Variants in ALDH6A1 observed in about 807,000 individuals in gnomAD.
The protein encoded by ALDH6A1 is aldehyde dehydrogenase 6 family member A1.
Under a neutral mutation model 62.6 loss-of-function variants are expected in ALDH6A1, and 43 were observed. That is an observed-to-expected ratio of 0.69 (90% confidence interval 0.54 to 0.89). The LOEUF (loss-of-function observed/expected upper bound fraction) is 0.89, where lower values mean the gene tolerates loss of function less well. ALDH6A1 is among the 40% of genes least tolerant of loss of function. ALDH6A1 has a pLI of 0.00. For missense variants in ALDH6A1, 551 were observed against 661.3 expected, an observed-to-expected ratio of 0.83 and a Z score of 1.83; for synonymous variants, 194 against 234.2, an observed-to-expected ratio of 0.83 and a Z score of 1.57.
chr14:74,062,105 A>C (rs1311985602), intron 11 of ALDH6A1, among the ~76,000 whole-genome samples: 1 of 148,218 alleles, frequency 6.7e-6, no homozygotes, highest in Admixed American at 6.7e-5. Context: ...AGCCTGAGGC[A>C]GAATTGCTTG....
In ALDH6A1 at chr14:74,068,873, A is replaced by G. The variant is rs1368984007; in HGVS notation, c.839T>C (p.Val280Ala). 6.2e-7 allele frequency: 1 copy of G among 1,613,786 alleles called. No individual in the cohort carries two copies. Among genetic ancestry groups the G allele is most frequent in the Non-Finnish European group, 8.5e-7 (1 of 1,179,890 alleles). ...ATAAGAAGTCACCATATTGGCTTGA[A>G]CCCTCTTGCCATGTCTTGATCCTCT... ...FERGSRHGKRVQANMGAKNHG... is the reference protein window; with the variant it reads ...FERGSRHGKRAQANMGAKNHG... Residue 280 changes from valine (V) to alanine (A), a missense_variant, in exon 7 of 12, where the codon GTT (valine) becomes GCT (alanine). Transcript: ENST00000553458.
intron 11 of ALDH6A1, among the ~76,000 whole-genome samples, chr14:74,064,308 A>AAT (rs1228566976): frequency 4.1e-5 from 6 of 147,808 alleles, no homozygotes; most frequent in African/African-American, 1.5e-4. Context: ...AAAAAAAAAA[A>AAT]AAATAATAAT....
Position 74,072,255 on chromosome 14 carries a change from A to G in ALDH6A1, c.296T>C (p.Leu99Ser), listed in dbSNP as rs749270082. The change falls in exon 4 of 12, where the codon TTA becomes TCA. Residue 99 changes from leucine to serine, a missense_variant. Transcript: ENST00000553458. ...AFPAWADTSV[L>S]SRQQVLLRYQ... ...GCGGAGCAAGACCTGCTGGCGGCTT[A>G]ATACTGAAGTGTCTGCCCATGCAGG... The G allele has an allele frequency of 6.2e-7, 1 of 1,614,254 alleles. No individual in the cohort carries two copies. Among genetic ancestry groups the G allele is most frequent in the South Asian group, 1.1e-5 (1 of 91,086 alleles).
intron 11 of ALDH6A1, among the ~76,000 whole-genome samples, chr14:74,063,807 A>C (rs1175007710): frequency 6.7e-6 from 1 of 150,340 alleles, no homozygotes; most frequent in African/African-American, 2.4e-5. Flanking sequence ...CGGAGGTTGC[A>C]GTGAGCCAAG....
At position 74,072,610 on chromosome 14, in the gene ALDH6A1, G is replaced by A; in HGVS notation, c.113C>T (p.Pro38Leu). Residue 38 changes from proline (P) to leucine (L), a missense_variant and splice_region_variant, in exon 3 of 12, where the codon CCA becomes CTA. Pro to Leu is a moderately conservative substitution (Grantham distance 98). Transcript: ENST00000553458. Reference protein sequence around the residue: ...YSASSFSSSVPTVKLFIGGKF... With the variant: ...YSASSFSSSVLTVKLFIGGKF... The stretch of plus-strand genomic sequence containing the variant: ...CCCACCAATGAAGAGCTTTACAGTT[G>A]GCTGAAAAAAACAAACAAACAAACA... The A allele has an allele frequency of 1.2e-6, 2 of 1,612,732 alleles. No individual in the cohort carries two copies. Among genetic ancestry groups the A allele is most frequent in the Non-Finnish European group, 1.7e-6 (2 of 1,179,946 alleles).
At chr14:74,082,355 T>C (rs2060676959) in intron 1 of ALDH6A1, among the ~76,000 whole-genome samples, 1 of 151,926 alleles carries the variant, frequency 6.6e-6, no homozygotes, top group African/African-American at 2.4e-5. Flanking sequence ...ATAAATCCTT[T>C]TGATAGTTCT....
At chr14:74,070,758 G>A (rs2060538650) in intron 6 of ALDH6A1, 1 of 184,522 alleles carries the variant, frequency 5.4e-6, no homozygotes. Context: ...ACCTCAAAGG[G>A]TGATTATAAA....
chr14:74,062,400 G>A (rs1423013293), intron 11 of ALDH6A1, among the ~76,000 whole-genome samples: 1 of 151,066 alleles, frequency 6.6e-6, no homozygotes, highest in African/African-American at 2.4e-5. Context: ...TAAGGAGGTC[G>A]AGACCAGCCT....
chr14:74,076,098 T>G (rs1273163266), intron 1 of ALDH6A1, among the ~76,000 whole-genome samples: 2 of 152,212 alleles, frequency 1.3e-5, no homozygotes, highest in East Asian at 3.8e-4. Flanking sequence ...GTGATGGACA[T>G]ATGTTCATTA....
intron 1 of ALDH6A1, among the ~76,000 whole-genome samples, chr14:74,076,227 A>G (rs995760745): frequency 6.6e-6 from 1 of 152,250 alleles, no homozygotes; most frequent in Non-Finnish European, 1.5e-5. Flanking sequence ...CTATATTGAA[A>G]TGCCATAGGT....
At position 74,081,424 on chromosome 14, in the gene ALDH6A1, A is replaced by G. The variant is rs569219467; in HGVS notation, c.48+2923T>C. 7.9e-5 allele frequency: 12 copies of G among 152,238 alleles called. No homozygotes were observed. The South Asian group carries it at 2.5e-3, about 32-fold the overall frequency. The allele number at this position is 152,238 out of a possible 1,614,324, so 9.4% of individuals were successfully genotyped here. A position where few individuals can be genotyped will look rare whatever the true frequency, so the allele number is the denominator to read the frequency against. ...TAGGCCACTTAAATTTTATTTTTTC[A>G]CTTGTATACAGCCTCCCTGCTGTTA... On this transcript the variant is annotated intron_variant, in intron 1 of 11. Transcript: ENST00000553458.
rs369414700 is a variant in ALDH6A1, at chr14:74,062,051, G to GAAAAAA, written c.1504-1311_1504-1306dup. Among the ~76,000 whole-genome samples, 4 of 59,578 alleles carry GAAAAAA rather than the reference G, an allele frequency of 6.7e-5. 1 individual carries two copies. Among genetic ancestry groups the GAAAAAA allele is most frequent in the East Asian group, 4.8e-4 (1 of 2,084 alleles). 39.1% of individuals were successfully genotyped at this position (59,578 alleles called of 152,430 possible). A position where few individuals can be genotyped will look rare whatever the true frequency, so the allele number is the denominator to read the frequency against. On this transcript the variant is annotated intron_variant, in intron 11 of 11. Transcript: ENST00000553458. ...CATGGCGAAACCTCGTCTCTACTGG[G>GAAAAAA]AAAAAAAAAAAAAAAAAAAAAAAAA...
intron 6 of ALDH6A1, among the ~76,000 whole-genome samples, chr14:74,069,762 A>T (rs61059815): frequency 0.19 from 28,145 of 151,862 alleles, 2,835 homozygotes; most frequent in South Asian, 0.43. Context: ...TCAAAACAAT[A>T]AAAAATATAA....
intron 6 of ALDH6A1, chr14:74,070,947 T>C (rs1318463643): frequency 1.9e-6 from 1 of 521,448 alleles, no homozygotes; most frequent in Non-Finnish European, 3.5e-6. Flanking sequence ...TTTAATCTTA[T>C]CTGTGTCTAG....
At chr14:74,076,408 C>A (rs1213374279) in intron 1 of ALDH6A1, among the ~76,000 whole-genome samples, 1 of 152,196 alleles carries the variant, frequency 6.6e-6, no homozygotes, top group Non-Finnish European at 1.5e-5. Flanking sequence ...GTCGCCCAGG[C>A]TGGAGTGCAG....
chr14:74,077,649 G>A (rs1473385889), intron 1 of ALDH6A1, among the ~76,000 whole-genome samples: 1 of 152,094 alleles, frequency 6.6e-6, no homozygotes, highest in African/African-American at 2.4e-5. Flanking sequence ...ACTCACTACA[G>A]CACAAAGCCA....
rs928818051 is a variant in ALDH6A1 at position 74,068,551 on chromosome 14, C to T, written c.852+309G>A. ...GTCAGGAGATCGAAACCATCCTGGC[C>T]AACATGGTGAAACCCTGTCTCTACT... is the stretch of plus-strand genomic sequence containing the variant. On this transcript the variant is annotated intron_variant, in intron 7 of 11. Coordinates refer to ENST00000553458, the MANE Select transcript of ALDH6A1 (RefSeq NM_005589.4). 3.3e-5 allele frequency among the ~76,000 whole-genome samples: 5 copies of T among 152,022 alleles called. No homozygotes were observed. The East Asian group carries it at 5.8e-4, about 18-fold the overall frequency.
Position 74,062,871 on chromosome 14 carries a change from A to C in ALDH6A1, c.1503+1951T>G, listed in dbSNP as rs534309411. On this transcript the variant is annotated intron_variant, in intron 11 of 11. Transcript: ENST00000553458. ...AACAAAACATGTAATTTATTAATGA[A>C]GGTTTCAAAATGGCTCTAGTCCTAT... is the stretch of plus-strand genomic sequence containing the variant. Among the ~76,000 whole-genome samples, 3 of 152,364 alleles carry C rather than the reference A, an allele frequency of 2.0e-5. No individual in the cohort carries two copies. In the East Asian group the frequency reaches 5.8e-4, roughly 29 times the overall value.
chr14:74,067,272 TG>T, intron 8 of ALDH6A1, 107 bp downstream of exon 8: 1 of 1,282,140 alleles, frequency 7.8e-7, no homozygotes, highest in Non-Finnish European at 1.1e-6. Flanking sequence ...AGAGAGGAAA[TG>T]GCAAGAATAG....
Sources: allele counts gnomAD v4.1 joint callset (sites outside exome capture counted in the v4.1 genomes callset), GRCh38; gene constraint gnomAD v4.1.1; transcripts MANE v1.5; gene names NCBI Gene and HGNC (gene_info 2026-07-23, HGNC 2026-07-21).